The following CARMIL1 variants were observed in gnomAD, a reference collection of about 807,000 sequenced individuals.
CARMIL1 encodes the protein F-actin-uncapping protein LRRC16A.
A neutral mutation model predicts 177.1 loss-of-function variants in CARMIL1; 90 were observed. That is an observed-to-expected ratio of 0.51 (90% confidence interval 0.43 to 0.61). The LOEUF (loss-of-function observed/expected upper bound fraction) is 0.61. CARMIL1 is among the 20% of genes least tolerant of loss of function. The pLI is 0.00. For synonymous variants in CARMIL1, 577 were observed against 606.2 expected (o/e 0.95, Z 0.71); for missense variants, 1,380 against 1,667.0 (o/e 0.83, Z 3.00).
intron 2 of CARMIL1, among the ~76,000 whole-genome samples, chr6:25,324,613 C>T (rs1297534296): frequency 6.6e-6 from 1 of 152,118 alleles, no homozygotes; most frequent in Non-Finnish European, 1.5e-5. Context: ...TGAGTGCTTA[C>T]TGTGAGCTAA....
chr6:25,534,751 T>C (rs1039494340), intron 24 of CARMIL1, among the ~76,000 whole-genome samples: 3 of 152,186 alleles, frequency 2.0e-5, no homozygotes, highest in Non-Finnish European at 2.9e-5. Context: ...CTGCTAATTG[T>C]GAATATTTCT....
At chr6:25,394,354 T>G (rs1237944620) in intron 2 of CARMIL1, among the ~76,000 whole-genome samples, 1 of 152,164 alleles carries the variant, frequency 6.6e-6, no homozygotes, top group Non-Finnish European at 1.5e-5. Context: ...TTAATTTCTG[T>G]TTTACAGAAG....
In CARMIL1 at chr6:25,290,369, CTTTTTT is replaced by C. The variant is rs910242856; in HGVS notation, c.138+5478_138+5483del. On this transcript the variant is annotated intron_variant, in intron 2 of 36. Coordinates refer to ENST00000329474, the MANE Select transcript of CARMIL1 (RefSeq NM_017640.6). ...CTTGGCCTCCCAAAGTGCTGGGATT[CTTTTTT>C]TTTTTTTTTTTTTTTTTGAGAACTA... Among the ~76,000 whole-genome samples the C allele has an allele frequency of 1.0e-4, 10 of 95,358 alleles. No individual in the cohort carries two copies. The East Asian group carries it at 1.2e-3, about 12-fold the overall frequency. The allele number at this position is 95,358 out of a possible 152,430, so 62.6% of individuals were successfully genotyped here.
intron 2 of CARMIL1, among the ~76,000 whole-genome samples, chr6:25,366,716 G>A (rs1322777979): frequency 1.3e-5 from 2 of 151,696 alleles, no homozygotes; most frequent in Non-Finnish European, 1.5e-5. Context: ...TTAAGTAACA[G>A]CACCCTCTTA....
chr6:25,506,527 C>A (rs760477140), intron 17 of CARMIL1, among the ~76,000 whole-genome samples: 1 of 149,952 alleles, frequency 6.7e-6, no homozygotes, highest in Admixed American at 6.7e-5. Flanking sequence ...GCCTGGGAGA[C>A]AGTGACTCCG....
intron 2 of CARMIL1, among the ~76,000 whole-genome samples, chr6:25,331,931 G>T (rs1785661984): frequency 6.6e-6 from 1 of 152,172 alleles, no homozygotes; most frequent in African/African-American, 2.4e-5. Context: ...AGCATTTAGT[G>T]CCAGGAAAAA....
intron 24 of CARMIL1, among the ~76,000 whole-genome samples, chr6:25,529,821 A>C (rs2151101790): frequency 6.6e-6 from 1 of 151,904 alleles, no homozygotes; most frequent in South Asian, 2.1e-4. Flanking sequence ...GTCAGAGAAT[A>C]AGAAACAATG....
intron 23 of CARMIL1, 94 bp from the exon 24 acceptor site, chr6:25,528,701 G>A (rs952726440): frequency 2.5e-5 from 22 of 896,538 alleles, no homozygotes; most frequent in African/African-American, 1.3e-4. Flanking sequence ...TTCACGCTTC[G>A]GTTTTTAAGT....
chr6:25,579,505 GCAGGCCACTAACTTCTTCAGC>G (rs1812930930), intron 29 of CARMIL1, among the ~76,000 whole-genome samples: 1 of 152,136 alleles, frequency 6.6e-6, no homozygotes, highest in African/African-American at 2.4e-5. Context: ...AATAGACCAG[GCAGGCCACTAACTTCTTCAGC>G]CAACTGCATG....
chr6:25,463,809 A>T (rs1475294752), intron 8 of CARMIL1, among the ~76,000 whole-genome samples: 1 of 142,988 alleles, frequency 7.0e-6, no homozygotes, highest in Non-Finnish European at 1.5e-5. Flanking sequence ...CTATTGAAAG[A>T]GTTGTTCTCC....
At chr6:25,434,753 T>C (rs1193531679) in intron 4 of CARMIL1, among the ~76,000 whole-genome samples, 2 of 152,042 alleles carry the variant, frequency 1.3e-5, no homozygotes, top group Admixed American at 6.6e-5. Context: ...GGTTTCACCA[T>C]GTTGGCCAGG....
rs73393828 is a variant in CARMIL1 at position 25,435,080 on chromosome 6, G to C, written c.250-403G>C. 4.7e-3 allele frequency among the ~76,000 whole-genome samples: 719 copies of C among 152,224 alleles called. 6 individuals are homozygous for C. The highest frequency in any genetic ancestry group is 0.016 in the African/African-American group (654 of 41,548). ...GCTCAGGACAAAATCTTGGTAAAAG[G>C]AGAAGTCGTGTTTGAATGTGGGAGT... On this transcript the variant is annotated intron_variant, in intron 4 of 36. Transcript: ENST00000329474.
chr6:25,363,351 G>A (rs561371927), intron 2 of CARMIL1, among the ~76,000 whole-genome samples: 23 of 152,264 alleles, frequency 1.5e-4, no homozygotes, highest in African/African-American at 4.6e-4. Flanking sequence ...GAGGACTAGT[G>A]TTCCATGGAG....
At position 25,579,934 on chromosome 6, in the gene CARMIL1, A is replaced by G. The variant is rs540917598; in HGVS notation, c.2743-990A>G. 4.6e-5 allele frequency among the ~76,000 whole-genome samples: 7 copies of G among 152,332 alleles called. No homozygotes were observed. The East Asian group carries it at 1.2e-3, about 25-fold the overall frequency. On this transcript the variant is annotated intron_variant, in intron 29 of 36. Transcript: ENST00000329474. ...TTGAGGAAGCATTAGATGAAAACCT[A>G]TTAAATGAAAGTATGCAAACTAAGT...
chr6:25,281,581 G>A (rs1164076412), intron 1 of CARMIL1, among the ~76,000 whole-genome samples: 4 of 152,102 alleles, frequency 2.6e-5, no homozygotes, highest in Non-Finnish European at 5.9e-5. Context: ...TCTTGAAATG[G>A]AATTTTTGTT....
At chr6:25,417,298 C>G (rs1390273816) in intron 2 of CARMIL1, among the ~76,000 whole-genome samples, 1 of 152,102 alleles carries the variant, frequency 6.6e-6, no homozygotes, top group Non-Finnish European at 1.5e-5. Flanking sequence ...CCAAATTCCT[C>G]TTTATTACTG....
intron 29 of CARMIL1, among the ~76,000 whole-genome samples, chr6:25,567,323 TTTA>T (rs1811643594): frequency 6.6e-6 from 1 of 152,114 alleles, no homozygotes; most frequent in Admixed American, 6.5e-5. Flanking sequence ...TTTATAGAGG[TTTA>T]TTATTCTCAG....
Position 25,581,268 on chromosome 6 carries a change from G to C in CARMIL1, c.2835G>C (p.Ala945=), listed in dbSNP as rs370575787. Residue 945 remains alanine, a synonymous_variant, in exon 31 of 37, where the codon GCG becomes GCC. Coordinates refer to ENST00000329474, the MANE Select transcript of CARMIL1 (RefSeq NM_017640.6). ...AFEMEFDLDK[A]LEEVPIHIED... is the part of the protein sequence containing the mutation. The stretch of plus-strand genomic sequence containing the variant: ...AAATGGAGTTTGATCTAGATAAAGC[G>C]CTGGAAGAGGTACCAATTCACATCG... 3.1e-6 allele frequency: 5 copies of C among 1,613,750 alleles called. No homozygotes were observed. The South Asian group carries it at 4.4e-5, about 14-fold the overall frequency.
In CARMIL1 at chr6:25,473,494, A is replaced by C. The variant is rs190684022; in HGVS notation, c.874+973A>C. On this transcript the variant is annotated intron_variant, in intron 11 of 36. Transcript: ENST00000329474. ...TAAATAAAATTTTATTAAGAAAATCATAAGAATAAGAAAATATATTTCCTG... is the reference window on the plus strand; with the variant it reads ...TAAATAAAATTTTATTAAGAAAATCCTAAGAATAAGAAAATATATTTCCTG... 2.6e-5 allele frequency among the ~76,000 whole-genome samples: 4 copies of C among 152,376 alleles called. 1 individual carries two copies. Among genetic ancestry groups the C allele is most frequent in the Admixed American group, 2.6e-4 (4 of 15,304 alleles).
Sources: allele counts gnomAD v4.1 joint callset (sites outside exome capture counted in the v4.1 genomes callset), GRCh38; gene constraint gnomAD v4.1.1; transcripts MANE v1.5; gene names NCBI Gene and HGNC (gene_info 2026-07-23, HGNC 2026-07-21).